Variants in FHOD3 observed in about 807,000 individuals in gnomAD.
FHOD3 encodes the protein FH1/FH2 domain-containing protein 3.
Under a neutral mutation model 173.0 loss-of-function variants are expected in FHOD3, and 90 were observed. That is an observed-to-expected ratio of 0.52 (90% CI 0.44 to 0.62). FHOD3 has a LOEUF of 0.62. FHOD3 is among the 20% of genes least tolerant of loss of function. FHOD3 has a pLI of 0.00. For synonymous variants in FHOD3, 828 were observed against 823.0 expected, an observed-to-expected ratio of 1.01 and a Z score of -0.10; for missense variants, 1,945 against 2,034.7, an observed-to-expected ratio of 0.96 and a Z score of 0.85.
At position 36,576,560 on chromosome 18, in the gene FHOD3, T is replaced by C. The variant is rs566489733; in HGVS notation, c.606+15T>C. 2 of 1,592,478 alleles carry C rather than the reference T, an allele frequency of 1.3e-6. No homozygotes were observed. The highest frequency in any genetic ancestry group is 2.2e-5 in the East Asian group (1 of 44,564). The stretch of plus-strand genomic sequence containing the variant: ...TTGGGTCAAAGGTAAGGGGAAGTTA[T>C]GGTTGACTGTTTTGTTCACTTGTCA... On this transcript the variant is annotated intron_variant, in intron 6 of 28. Coordinates refer to ENST00000590592, the MANE Select transcript of FHOD3 (RefSeq NM_001281740.3).
chr18:36,731,592 A>G (rs1011104719), intron 20 of FHOD3, among the ~76,000 whole-genome samples: 3 of 152,118 alleles, frequency 2.0e-5, no homozygotes, highest in Non-Finnish European at 4.4e-5. Context: ...CCATCCTCCT[A>G]TTGGCAGGGG....
chr18:36,327,685 G>C (rs577234349), intron 1 of FHOD3, among the ~76,000 whole-genome samples: 1 of 152,284 alleles, frequency 6.6e-6, no homozygotes, highest in Non-Finnish European at 1.5e-5. Flanking sequence ...CTCCTGGAAG[G>C]TTTATAGCAG....
At chr18:36,315,116 C>T (rs1568111010) in intron 1 of FHOD3, among the ~76,000 whole-genome samples, 1 of 152,032 alleles carries the variant, frequency 6.6e-6, no homozygotes, top group Non-Finnish European at 1.5e-5. Flanking sequence ...GGCCTGGTCT[C>T]AGCCTACTCT....
intron 23 of FHOD3, among the ~76,000 whole-genome samples, chr18:36,745,843 C>G (rs144547167): frequency 6.6e-6 from 1 of 151,314 alleles, no homozygotes; most frequent in African/African-American, 2.4e-5. Flanking sequence ...CGCTCATCCC[C>G]GCCACACCCT....
chr18:36,668,796 A>T (rs1307920399), intron 14 of FHOD3, among the ~76,000 whole-genome samples: 1 of 152,080 alleles, frequency 6.6e-6, no homozygotes, highest in Non-Finnish European at 1.5e-5. Context: ...TATTCCAACT[A>T]TCTTTCTGTT....
chr18:36,399,983 T>A (rs142658076), intron 3 of FHOD3, among the ~76,000 whole-genome samples: 1 of 152,092 alleles, frequency 6.6e-6, no homozygotes, highest in African/African-American at 2.4e-5. Flanking sequence ...TGGGTGAAAA[T>A]AAAAATGTAA....
chr18:36,492,389 C>T (rs547001642), intron 3 of FHOD3, among the ~76,000 whole-genome samples: 23 of 152,164 alleles, frequency 1.5e-4, no homozygotes, highest in South Asian at 6.2e-4. Context: ...CCCAAATAGG[C>T]GAAATTTTAT....
At chr18:36,577,475 A>G (rs1274189460) in intron 6 of FHOD3, among the ~76,000 whole-genome samples, 3 of 151,990 alleles carry the variant, frequency 2.0e-5, no homozygotes, top group African/African-American at 7.3e-5. Flanking sequence ...TAATTTTTGT[A>G]TTTTTAATAG....
rs1489885074 is a variant in FHOD3, at chr18:36,665,142, T to C, written c.1835+6954T>C. Among the ~76,000 whole-genome samples, 5 of 152,180 alleles carry C rather than the reference T, an allele frequency of 3.3e-5. No homozygotes were observed. The South Asian group carries it at 1.0e-3, about 32-fold the overall frequency. ...ATCACTGAATGTTTGTTTTCCTATC[T>C]CTTTCCCCATTCCTTCCCTCAAAGC... On this transcript the variant is annotated intron_variant, in intron 14 of 28. Coordinates refer to ENST00000590592, the MANE Select transcript of FHOD3 (RefSeq NM_001281740.3).
At position 36,643,107 on chromosome 18, in the gene FHOD3, A is replaced by G. The variant is rs148558056; in HGVS notation, c.1197-6209A>G. Among the ~76,000 whole-genome samples, 193 of 151,952 alleles carry G rather than the reference A, an allele frequency of 1.3e-3. 1 individual carries two copies. Among genetic ancestry groups the G allele is most frequent in the African/African-American group, 4.4e-3 (183 of 41,418 alleles). On this transcript the variant is annotated intron_variant, in intron 10 of 28. Coordinates refer to ENST00000590592, the MANE Select transcript of FHOD3 (RefSeq NM_001281740.3). ...GCAATATGGATTTTCACTGCCTGGA[A>G]TTTACCACAATCTTTATCTATTTTT...
At chr18:36,493,243 A>G (rs1368395461) in intron 3 of FHOD3, among the ~76,000 whole-genome samples, 1 of 134,026 alleles carries the variant, frequency 7.5e-6, no homozygotes, top group East Asian at 2.1e-4. Flanking sequence ...CAACTTGTAT[A>G]TGGAGGCCAT....
intron 2 of FHOD3, among the ~76,000 whole-genome samples, chr18:36,367,943 T>A (rs969246540): frequency 6.6e-6 from 1 of 151,646 alleles, no homozygotes; most frequent in Non-Finnish European, 1.5e-5. Flanking sequence ...AGCCACCTTG[T>A]GAAGAAGGTG....
intron 10 of FHOD3, among the ~76,000 whole-genome samples, chr18:36,635,490 C>G (rs1173664723): frequency 6.6e-6 from 1 of 152,146 alleles, no homozygotes; most frequent in African/African-American, 2.4e-5. Flanking sequence ...TGGTGCAGGG[C>G]TTTCGCTGGT....
chr18:36,448,436 C>G (rs1017123428), intron 3 of FHOD3, among the ~76,000 whole-genome samples: 1 of 152,124 alleles, frequency 6.6e-6, no homozygotes, highest in Non-Finnish European at 1.5e-5. Context: ...TCTGCAGGCC[C>G]CCACCAGCCC....
chr18:36,667,016 A>G (rs749964356), intron 14 of FHOD3, among the ~76,000 whole-genome samples: 6 of 152,204 alleles, frequency 3.9e-5, no homozygotes, highest in African/African-American at 1.2e-4. Context: ...ATCAGGCAGT[A>G]TATACTCTTT....
chr18:36,625,426 G>A, intron 9 of FHOD3, 85 bp from the exon 10 acceptor site: 1 of 1,214,814 alleles, frequency 8.2e-7, no homozygotes, highest in Admixed American at 3.0e-5. Flanking sequence ...ATCCCTATTA[G>A]GGCAATCCTG....
In FHOD3 at chr18:36,680,849, G is replaced by A. The variant is rs181692291; in HGVS notation, c.1836-587G>A. ...TGCCTTGTTCAATTATTCTAAAGAA[G>A]TGTATTGTGAGACTGATATATAGTA... On this transcript the variant is annotated intron_variant, in intron 14 of 28. Transcript: ENST00000590592. 2.2e-4 allele frequency among the ~76,000 whole-genome samples: 34 copies of A among 152,326 alleles called. No homozygotes were observed. In the East Asian group the frequency reaches 6.6e-3, roughly 29 times the overall value.
intron 10 of FHOD3, among the ~76,000 whole-genome samples, chr18:36,632,751 G>C (rs2034606227): frequency 6.6e-6 from 1 of 152,084 alleles, no homozygotes; most frequent in African/African-American, 2.4e-5. Flanking sequence ...GGTAGGGATG[G>C]AGCCAGTGTT....
chr18:36,764,312 C>G (rs374400369), intron 27 of FHOD3, among the ~76,000 whole-genome samples: 3 of 151,376 alleles, frequency 2.0e-5, no homozygotes, highest in African/African-American at 7.3e-5. Flanking sequence ...GATGAGAAAT[C>G]GTTTTGCAGT....
Sources: allele counts gnomAD v4.1 joint callset (sites outside exome capture counted in the v4.1 genomes callset), GRCh38; gene constraint gnomAD v4.1.1; transcripts MANE v1.5; gene names NCBI Gene and HGNC (gene_info 2026-07-23, HGNC 2026-07-21).